OTUD7A: variants seen among roughly 807,000 people sequenced by gnomAD.
OTUD7A encodes OTU domain-containing protein 7A.
OTUD7A carries 12 observed loss-of-function variants against 65.7 expected under a neutral mutation model. The ratio of observed to expected loss-of-function variants is 0.18; its 90% CI spans 0.12 to 0.30. OTUD7A has a LOEUF of 0.30. OTUD7A is among the 10% of genes least tolerant of loss of function. The pLI, the probability that OTUD7A is intolerant of heterozygous loss-of-function variation, is 1.00. For synonymous variants in OTUD7A, 641 were observed against 586.3 expected (o/e 1.09, Z -1.35); for missense variants, 1,148 against 1,304.8 (o/e 0.88, Z 1.85).
At chr15:31,497,593 T>A (rs1440846951) in intron 10 of OTUD7A, among the ~76,000 whole-genome samples, 1 of 152,148 alleles carries the variant, frequency 6.6e-6, no homozygotes, top group Non-Finnish European at 1.5e-5. Context: ...CAGATGGCAT[T>A]GACACCTTCC....
At chr15:31,583,104 C>G (rs1889422217) in intron 3 of OTUD7A, among the ~76,000 whole-genome samples, 1 of 152,216 alleles carries the variant, frequency 6.6e-6, no homozygotes, top group South Asian at 2.1e-4. Context: ...TTGCCTGGTC[C>G]ATGTTGTGCC....
In OTUD7A at chr15:31,801,431, G is replaced by A. The variant is rs373756136; in HGVS notation, c.-100+69076C>T. Among the ~76,000 whole-genome samples, 8 of 152,210 alleles carry A rather than the reference G, an allele frequency of 5.3e-5. No homozygotes were observed. In the East Asian group the frequency reaches 1.3e-3, roughly 26 times the overall value. On this transcript the variant is annotated intron_variant, in intron 1 of 12. Coordinates refer to ENST00000307050, the MANE Select transcript of OTUD7A (RefSeq NM_001382637.1). Reference sequence around the variant, plus strand: ...AACCCAGCCCTTCTGGTTTGCAGAGGCTCTGGTTTGCAGAGGCTCTGGGCA... The same window carrying A: ...AACCCAGCCCTTCTGGTTTGCAGAGACTCTGGTTTGCAGAGGCTCTGGGCA...
rs778670216 is a variant in OTUD7A, at chr15:31,476,066, G to A, written c.*7228C>T. 1 of 152,222 alleles carries A rather than the reference G, an allele frequency of 6.6e-6. No homozygotes were observed. Among genetic ancestry groups the A allele is most frequent in the Non-Finnish European group, 1.5e-5 (1 of 68,042 alleles). 9.4% of individuals were successfully genotyped at this position (152,222 alleles called of 1,614,324 possible). ...TGAATGGAGTTCAAACTCCGTAGAT[G>A]AGGCAGTAACAGGTCACTAAGGAGC... On this transcript the variant is annotated 3_prime_UTR_variant, in exon 13 of 13. Coordinates refer to ENST00000307050, the MANE Select transcript of OTUD7A (RefSeq NM_001382637.1).
intron 1 of OTUD7A, among the ~76,000 whole-genome samples, chr15:31,687,626 A>G (rs1892869059): frequency 6.6e-6 from 1 of 152,222 alleles, no homozygotes; most frequent in Admixed American, 6.5e-5. Flanking sequence ...TGTATGACAG[A>G]GACAAGATGC....
In OTUD7A at chr15:31,483,265, A is replaced by ACCTCGCCGCCCGCG. The variant is rs2041161497; in HGVS notation, c.*15_*28dup. 8 of 1,076,364 alleles carry ACCTCGCCGCCCGCG rather than the reference A, an allele frequency of 7.4e-6. No homozygotes were observed. The South Asian group carries it at 3.5e-4, about 47-fold the overall frequency. The allele number at this position is 1,076,364 out of a possible 1,614,324, so 66.7% of individuals were successfully genotyped here. On this transcript the variant is annotated 3_prime_UTR_variant, in exon 13 of 13. Coordinates refer to ENST00000307050, the MANE Select transcript of OTUD7A (RefSeq NM_001382637.1). The stretch of plus-strand genomic sequence containing the variant: ...TGGAAAAGAAATCCTCGAAGGTAGA[A>ACCTCGCCGCCCGCG]CCTCGCCGCCCGCGCCGCGCCGCGC...
chr15:31,645,156 C>T (rs1195804278), intron 3 of OTUD7A, among the ~76,000 whole-genome samples: 2 of 152,206 alleles, frequency 1.3e-5, no homozygotes, highest in Non-Finnish European at 2.9e-5. Flanking sequence ...TCTGGGTTCC[C>T]CCTCCCTGTA....
In OTUD7A at chr15:31,623,876, T is replaced by C. The variant is rs180977994; in HGVS notation, c.151+31220A>G. Among the ~76,000 whole-genome samples the C allele has an allele frequency of 5.7e-3, 875 of 152,368 alleles. 10 individuals carry two copies. The highest frequency in any genetic ancestry group is 0.02 in the African/African-American group (840 of 41,588). ...ATCGCTCACGCTGGGAGCTGTAGAC[T>C]GGAGCTGTTCCTATTCGGCCAACTT... On this transcript the variant is annotated intron_variant, in intron 3 of 12. Transcript: ENST00000307050.
At chr15:31,504,063 G>A (rs1353636112) in intron 8 of OTUD7A, among the ~76,000 whole-genome samples, 1 of 152,246 alleles carries the variant, frequency 6.6e-6, no homozygotes, top group Admixed American at 6.5e-5. Context: ...GCCCGCAGGT[G>A]AAGGGTGCCG....
intron 1 of OTUD7A, among the ~76,000 whole-genome samples, chr15:31,808,981 T>G (rs143866871): frequency 1.3e-5 from 2 of 152,102 alleles, no homozygotes; most frequent in African/African-American, 4.8e-5. Flanking sequence ...TTGCTCAAAG[T>G]GGAGACTGAA....
intron 3 of OTUD7A, among the ~76,000 whole-genome samples, chr15:31,579,220 A>C (rs1889297216): frequency 6.6e-6 from 1 of 152,226 alleles, no homozygotes; most frequent in African/African-American, 2.4e-5. Context: ...TTGGGCAGAA[A>C]AAGCAGCAGG....
intron 1 of OTUD7A, among the ~76,000 whole-genome samples, chr15:31,788,227 C>A (rs1189002535): frequency 6.6e-6 from 1 of 152,160 alleles, no homozygotes; most frequent in Non-Finnish European, 1.5e-5. Flanking sequence ...AAGAAATATG[C>A]GTAAGACTTT....
chr15:31,587,938 G>A (rs1274725268), intron 3 of OTUD7A, among the ~76,000 whole-genome samples: 2 of 151,858 alleles, frequency 1.3e-5, no homozygotes, highest in Non-Finnish European at 2.9e-5. Flanking sequence ...TCTCTCCTGA[G>A]CTATCACCTC....
chr15:31,811,747 G>A (rs960020504), intron 1 of OTUD7A, among the ~76,000 whole-genome samples: 1 of 152,200 alleles, frequency 6.6e-6, no homozygotes, highest in Non-Finnish European at 1.5e-5. Context: ...AGCACAATGA[G>A]GTCTGCCATC....
At chr15:31,512,513 G>A (rs2041771028) in intron 8 of OTUD7A, among the ~76,000 whole-genome samples, 2 of 152,184 alleles carry the variant, frequency 1.3e-5, no homozygotes, top group African/African-American at 4.8e-5. Flanking sequence ...GTTTTGTTAT[G>A]AGAGTATATT....
intron 1 of OTUD7A, among the ~76,000 whole-genome samples, chr15:31,741,588 A>G (rs1442653835): frequency 6.6e-6 from 1 of 152,200 alleles, no homozygotes; most frequent in Non-Finnish European, 1.5e-5. Flanking sequence ...ACAATAACCC[A>G]ACAATGAAAG....
At chr15:31,544,823 T>C (rs1388029785) in intron 5 of OTUD7A, among the ~76,000 whole-genome samples, 1 of 151,930 alleles carries the variant, frequency 6.6e-6, no homozygotes, top group Non-Finnish European at 1.5e-5. Flanking sequence ...TAAAAAGTAC[T>C]ATACCTAAGA....
intron 1 of OTUD7A, among the ~76,000 whole-genome samples, chr15:31,815,173 A>G (rs1896515790): frequency 6.6e-6 from 1 of 152,090 alleles, no homozygotes; most frequent in Admixed American, 6.5e-5. Flanking sequence ...GCACAAATCT[A>G]TGCAATGTGG....
intron 1 of OTUD7A, among the ~76,000 whole-genome samples, chr15:31,751,275 C>CA (rs1297032476): frequency 6.6e-6 from 1 of 151,522 alleles, no homozygotes; most frequent in Non-Finnish European, 1.5e-5. Context: ...AGACACTTCT[C>CA]AAAAAGAGAC....
At chr15:31,532,699 G>A (rs1402536185) in intron 5 of OTUD7A, among the ~76,000 whole-genome samples, 7 of 151,970 alleles carry the variant, frequency 4.6e-5, no homozygotes, top group Admixed American at 2.6e-4. Flanking sequence ...AGGCTGAGGC[G>A]GGCGGATCAC....
Sources: allele counts gnomAD v4.1 joint callset (sites outside exome capture counted in the v4.1 genomes callset), GRCh38; gene constraint gnomAD v4.1.1; transcripts MANE v1.5; gene names NCBI Gene and HGNC (gene_info 2026-07-23, HGNC 2026-07-21).